HERC1: variants seen among roughly 807,000 people sequenced by gnomAD.
HERC1 encodes HECT and RLD domain containing E3 ubiquitin protein ligase family member 1, also known as probable E3 ubiquitin-protein ligase HERC1.
In HERC1, 160 loss-of-function variants were observed where a neutral mutation model predicts 554.3. The ratio of observed to expected loss-of-function variants is 0.29; its 90% CI spans 0.25 to 0.33. The LOEUF (loss-of-function observed/expected upper bound fraction) is 0.33, where lower values mean the gene tolerates loss of function less well. Among genes scored for constraint, HERC1 ranks in the 10% least tolerant of loss-of-function variants. The pLI is 1.00. For synonymous variants in HERC1, 2,175 were observed against 2,131.7 expected, an observed-to-expected ratio of 1.02 and a Z score of -0.56; for missense variants, 4,919 against 5,918.5, an observed-to-expected ratio of 0.83 and a Z score of 5.54.
chr15:63,787,876 G>A (rs1337492479), intron 1 of HERC1, among the ~76,000 whole-genome samples: 3 of 149,060 alleles, frequency 2.0e-5, no homozygotes, highest in Admixed American at 6.8e-5. Context: ...TGGGGAGGCC[G>A]CCTGAGTCCA....
At chr15:63,723,072 T>C in intron 19 of HERC1, 110 bp downstream of exon 19, 2 of 613,392 alleles carry the variant, frequency 3.3e-6, no homozygotes, top group Non-Finnish European at 4.9e-6. Flanking sequence ...TATCTTTTTC[T>C]ATTAAAAAAA....
rs956336794 is a variant in HERC1 at position 63,737,070 on chromosome 15, A to G, written c.2521-2221T>C. On this transcript the variant is annotated intron_variant, in intron 12 of 77. Transcript: ENST00000443617. ...AAAATTAGTATCTTCAAAAAGTGTA[A>G]GACAGAACGGGAGGCTACTAAAAAA... 3.9e-5 allele frequency among the ~76,000 whole-genome samples: 6 copies of G among 152,210 alleles called. No homozygotes were observed. In the South Asian group the frequency reaches 1.2e-3, roughly 32 times the overall value.
At chr15:63,655,481 C>T (rs2069978766) in intron 50 of HERC1, among the ~76,000 whole-genome samples, 1 of 151,880 alleles carries the variant, frequency 6.6e-6, no homozygotes, top group East Asian at 1.9e-4. Context: ...ATAACACTGC[C>T]TTCATCTAAA....
In HERC1 at chr15:63,651,862, C is replaced by T. The variant is rs181954878; in HGVS notation, c.10419-482G>A. Among the ~76,000 whole-genome samples, 151 of 152,168 alleles carry T rather than the reference C, an allele frequency of 9.9e-4. 1 individual carries two copies. The highest frequency in any genetic ancestry group is 9.3e-4 in the Non-Finnish European group (63 of 68,008). ...ACCAGCCTGGCCAACATAGTGAAAC[C>T]CTGTCTCTACTAATAATACAAAAAT... On this transcript the variant is annotated intron_variant, in intron 52 of 77. Coordinates refer to ENST00000443617, the MANE Select transcript of HERC1 (RefSeq NM_003922.4).
chr15:63,680,440 C>T lies in HERC1; in HGVS notation c.6465+97G>A, dbSNP rs890931929. The T allele has an allele frequency of 4.0e-6, 5 of 1,257,478 alleles. No homozygotes were observed. Among genetic ancestry groups the T allele is most frequent in the Admixed American group, 2.6e-5 (1 of 38,772 alleles). The allele number at this position is 1,257,478 out of a possible 1,614,324, so 77.9% of individuals were successfully genotyped here. ...GTATTAGAGAGAAAGGAGAGACGAG[C>T]AGATAATCTATAAACTGAATACGTG... On this transcript the variant is annotated intron_variant, in intron 35 of 77. Coordinates refer to ENST00000443617, the MANE Select transcript of HERC1 (RefSeq NM_003922.4). The surrounding 1 kb of genome is among the most constrained non-coding windows in gnomAD (Gnocchi z 5.8).
Position 63,616,529 on chromosome 15 carries a change from G to C in HERC1, c.13842C>G (p.Thr4614=). ...GATCCACCTCCTCCAGGTCCTCTAG[G>C]GTGAGTGGGACACAGCACAGCTGCT... ...VWKQLCCVPL[T]LEDLEEVDLL... is the part of the protein sequence containing the mutation. Residue 4614 remains threonine (T), a synonymous_variant, in exon 75 of 78, where the codon ACC becomes ACG. Transcript: ENST00000443617. 1 of 1,613,954 alleles carries C rather than the reference G, an allele frequency of 6.2e-7. No individual in the cohort carries two copies. Among genetic ancestry groups the C allele is most frequent in the Middle Eastern group, 1.7e-4 (1 of 6,060 alleles).
chr15:63,625,954 T>C, intron 71 of HERC1, 31 bp downstream of exon 71: 1 of 1,587,106 alleles, frequency 6.3e-7, no homozygotes, highest in Non-Finnish European at 8.6e-7. Flanking sequence ...AGCCAGTCTG[T>C]GCCTGGCTGC....
At chr15:63,679,661 T>C (rs1432834472) in intron 36 of HERC1, among the ~76,000 whole-genome samples, 1 of 152,212 alleles carries the variant, frequency 6.6e-6, no homozygotes, top group African/African-American at 2.4e-5. Flanking sequence ...ATTCACACCA[T>C]CTACAACACC....
chr15:63,821,738 A>AAAAAAAAAAAAAAAAAAAAC (rs2077705588), intron 1 of HERC1, among the ~76,000 whole-genome samples: 1 of 150,950 alleles, frequency 6.6e-6, no homozygotes, highest in Non-Finnish European at 1.5e-5. Flanking sequence ...AAAAAAAAAA[A>AAAAAAAAAAAAAAAAAAAAC]AAAAAAAAAA....
At chr15:63,759,302 G>A (rs1371223652) in intron 3 of HERC1, among the ~76,000 whole-genome samples, 3 of 152,110 alleles carry the variant, frequency 2.0e-5, no homozygotes, top group South Asian at 2.1e-4. Context: ...ACATTCACAC[G>A]TATATCTGAA....
intron 17 of HERC1, 118 bp from the exon 18 acceptor site, chr15:63,725,631 A>G (rs966324024): frequency 7.1e-5 from 51 of 720,938 alleles, no homozygotes; most frequent in Non-Finnish European, 1.1e-4. Context: ...TTTATGATGA[A>G]AACACAAATT....
At chr15:63,805,212 T>C (rs912925423) in intron 1 of HERC1, among the ~76,000 whole-genome samples, 11 of 152,166 alleles carry the variant, frequency 7.2e-5, no homozygotes, top group Admixed American at 7.2e-4. Flanking sequence ...TACATCATAA[T>C]ATATGCATAC....
intron 39 of HERC1, among the ~76,000 whole-genome samples, chr15:63,670,364 C>A (rs1178618214): frequency 6.6e-6 from 1 of 152,106 alleles, no homozygotes; most frequent in Non-Finnish European, 1.5e-5. Flanking sequence ...AGTATAAAGT[C>A]CATAAAGATC....
At chr15:63,630,960 T>G (rs902414444) in intron 68 of HERC1, among the ~76,000 whole-genome samples, 1 of 152,172 alleles carries the variant, frequency 6.6e-6, no homozygotes, top group Non-Finnish European at 1.5e-5. Flanking sequence ...ACTGACACAG[T>G]TCAGGCCCTC....
At chr15:63,710,620 G>T (rs1016236405) in intron 24 of HERC1, among the ~76,000 whole-genome samples, 1 of 152,012 alleles carries the variant, frequency 6.6e-6, no homozygotes, top group Admixed American at 6.6e-5. Context: ...GTAAGTGATC[G>T]GTGCCCCAGA....
chr15:63,710,138 G>A lies in HERC1; in HGVS notation c.4584+2637C>T, dbSNP rs151028198. Among the ~76,000 whole-genome samples, 204 of 152,304 alleles carry A rather than the reference G, an allele frequency of 1.3e-3. 1 individual carries two copies. The highest frequency in any genetic ancestry group is 4.6e-3 in the African/African-American group (190 of 41,568). On this transcript the variant is annotated intron_variant, in intron 24 of 77. Transcript: ENST00000443617. The stretch of plus-strand genomic sequence containing the variant: ...ACACTTCCCAGAATCTTTGATTTCC[G>A]AGTAGGCAGTGCAGTCACTCCTAGA...
At chr15:63,826,055 C>G (rs572578600) in intron 1 of HERC1, among the ~76,000 whole-genome samples, 1 of 152,104 alleles carries the variant, frequency 6.6e-6, no homozygotes, top group Admixed American at 6.6e-5. Flanking sequence ...TGAGCCACCA[C>G]GCCCGGCCAA....
chr15:63,659,768 G>A lies in HERC1; in HGVS notation c.9392C>T (p.Thr3131Ile), dbSNP rs558716578. ...CATCAGAGTCTCTTCCATACTGTTG[G>A]TGGCTGTGACCATTGCTACTGATGC... is the stretch of plus-strand genomic sequence containing the variant. ...LGASVAMVTA[T>I]NSMEETLMQI... The change falls in exon 47 of 78, where the codon ACC becomes ATC. Residue 3131 changes from threonine (T) to isoleucine (I), a missense_variant. Thr to Ile is a moderately conservative substitution (Grantham distance 89). Transcript: ENST00000443617. 4 of 1,613,762 alleles carry A rather than the reference G, an allele frequency of 2.5e-6. No individual in the cohort carries two copies. In the African/African-American group the frequency reaches 5.3e-5, roughly 22 times the overall value.
At chr15:63,625,242 C>A (rs1253995207) in intron 71 of HERC1, among the ~76,000 whole-genome samples, 1 of 152,090 alleles carries the variant, frequency 6.6e-6, no homozygotes, top group African/African-American at 2.4e-5. Context: ...TCCCCAAGAC[C>A]CAGAATGCTA....
Sources: gnomAD v4.1 joint callset for allele counts (sites outside exome capture counted in the v4.1 genomes callset) on GRCh38, gnomAD v4.1.1 for gene constraint, Gnocchi (gnomAD v3.1) non-coding constraint, MANE v1.5 for transcripts, NCBI Gene and HGNC (gene_info 2026-07-23, HGNC 2026-07-21) for gene names.